Variants in PRKAG2 observed in about 807,000 individuals in gnomAD.
The protein encoded by PRKAG2 is 5'-AMP-activated protein kinase subunit gamma-2.
Under a neutral mutation model 69.6 loss-of-function variants are expected in PRKAG2, and 26 were observed. That is an observed-to-expected ratio of 0.37 (90% confidence interval 0.27 to 0.52). The LOEUF (loss-of-function observed/expected upper bound fraction) is 0.52. Ranked by LOEUF, PRKAG2 falls within the 20% of genes least tolerant of loss-of-function variation. The probability of loss-of-function intolerance (pLI) is 0.90; values close to 1 mark genes in which losing one functional copy is unlikely to be tolerated. For synonymous variants in PRKAG2, 293 were observed against 285.0 expected (o/e 1.03, Z -0.28); for missense variants, 557 against 740.0 (o/e 0.75, Z 2.87).
At chr7:151,832,959 G>A (rs1025943025) in intron 1 of PRKAG2, among the ~76,000 whole-genome samples, 1 of 152,156 alleles carries the variant, frequency 6.6e-6, no homozygotes, top group Non-Finnish European at 1.5e-5. Context: ...GAAAAGTGGG[G>A]GACATCTTGG....
intron 3 of PRKAG2, among the ~76,000 whole-genome samples, chr7:151,747,590 A>C (rs75614938): frequency 4.6e-5 from 7 of 152,120 alleles, no homozygotes; most frequent in African/African-American, 1.7e-4. Context: ...AAACAAAAAA[A>C]CTGTAAAGTA....
At chr7:151,786,054 C>A (rs921177015) in intron 2 of PRKAG2, among the ~76,000 whole-genome samples, 8 of 152,218 alleles carry the variant, frequency 5.3e-5, no homozygotes, top group Admixed American at 6.5e-5. Context: ...GAGAGCCCAG[C>A]GCTGGGGGTG....
At chr7:151,826,679 G>C (rs2374308) in intron 1 of PRKAG2, among the ~76,000 whole-genome samples, 5,334 of 152,242 alleles carry the variant, frequency 0.035, 330 homozygotes, top group African/African-American at 0.12. Flanking sequence ...ATGTTCTAAA[G>C]GGACATTAAA....
intron 4 of PRKAG2, among the ~76,000 whole-genome samples, chr7:151,639,679 GC>G (rs1463981296): frequency 6.6e-6 from 1 of 152,230 alleles, no homozygotes; most frequent in Non-Finnish European, 1.5e-5. Flanking sequence ...AACAGCAGCA[GC>G]CCTCTGGTTT....
intron 6 of PRKAG2, among the ~76,000 whole-genome samples, chr7:151,576,903 G>A (rs935089291): frequency 6.6e-6 from 1 of 152,104 alleles, no homozygotes; most frequent in Middle Eastern, 3.2e-3. Flanking sequence ...ATTAACATTA[G>A]CAAAAATCTT....
Position 151,788,039 on chromosome 7 carries a change from G to A in PRKAG2, c.115-1498C>T, listed in dbSNP as rs1036000956. Among the ~76,000 whole-genome samples the A allele has an allele frequency of 6.6e-6, 1 of 152,182 alleles. No homozygotes were observed. Among genetic ancestry groups the A allele is most frequent in the South Asian group, 2.1e-4 (1 of 4,824 alleles). ...CACTTAATCTGTAGTGCTTTGCTAT[G>A]GCAGCCTAGCAAACCAATATAATAG... is the stretch of plus-strand genomic sequence containing the variant. On this transcript the variant is annotated intron_variant, in intron 1 of 15. Transcript: ENST00000287878. The surrounding 1 kb of genome is among the most constrained non-coding windows in gnomAD (Gnocchi z 4.6).
intron 3 of PRKAG2, among the ~76,000 whole-genome samples, chr7:151,688,929 C>T (rs1344017951): frequency 6.6e-6 from 1 of 152,146 alleles, no homozygotes; most frequent in African/African-American, 2.4e-5. Context: ...GGTGGCCGGC[C>T]TCCCTGTTCC....
intron 5 of PRKAG2, among the ~76,000 whole-genome samples, chr7:151,596,682 G>C (rs1449259214): frequency 1.3e-5 from 2 of 152,152 alleles, no homozygotes; most frequent in African/African-American, 2.4e-5. Flanking sequence ...CTGGGAGGCG[G>C]AGGTTGTAGT....
intron 5 of PRKAG2, among the ~76,000 whole-genome samples, chr7:151,630,170 CCT>C (rs751392678): frequency 4.6e-5 from 7 of 152,026 alleles, no homozygotes; most frequent in Admixed American, 1.3e-4. Context: ...AGGGGAAATT[CCT>C]CTCTTAGACA....
At chr7:151,875,854 T>G (rs2080384837) in intron 1 of PRKAG2, among the ~76,000 whole-genome samples, 1 of 151,996 alleles carries the variant, frequency 6.6e-6, no homozygotes, top group African/African-American at 2.4e-5. Context: ...TGAAGTTCAA[T>G]GCAGCCTGCA....
At chr7:151,703,063 G>A (rs147846811) in intron 3 of PRKAG2, among the ~76,000 whole-genome samples, 417 of 152,270 alleles carry the variant, frequency 2.7e-3, no homozygotes, top group African/African-American at 9.7e-3. Context: ...GCCTGCCCAG[G>A]GAGAAAAGGG....
rs2076444869 is a variant in PRKAG2, at chr7:151,777,630, T to A, written c.466+3522A>T. On this transcript the variant is annotated intron_variant, in intron 3 of 15. Transcript: ENST00000287878. The surrounding 1 kb of genome is among the most constrained non-coding windows in gnomAD (Gnocchi z 4.3). The stretch of plus-strand genomic sequence containing the variant: ...GCCCTTGCAAACACCTTGGCAGAGA[T>A]CACGACAGCAGGAGAAGGTCCAGCC... Among the ~76,000 whole-genome samples, 1 of 152,124 alleles carries A rather than the reference T, an allele frequency of 6.6e-6. No homozygotes were observed.
At chr7:151,617,147 G>A (rs2151250579) in intron 5 of PRKAG2, among the ~76,000 whole-genome samples, 1 of 151,818 alleles carries the variant, frequency 6.6e-6, no homozygotes, top group Admixed American at 6.6e-5. Flanking sequence ...TGTAATCCAA[G>A]CTATTTGGGG....
chr7:151,597,582 GA>G (rs1286267706), intron 5 of PRKAG2, among the ~76,000 whole-genome samples: 6 of 151,854 alleles, frequency 4.0e-5, no homozygotes, highest in Non-Finnish European at 8.8e-5. Context: ...TCAACAGCAG[GA>G]AAAAAACCCC....
chr7:151,834,375 G>T (rs151259234), intron 1 of PRKAG2, among the ~76,000 whole-genome samples: 2 of 152,214 alleles, frequency 1.3e-5, no homozygotes, highest in African/African-American at 4.8e-5. Flanking sequence ...CCACAAAGTC[G>T]CCAGGCACAC....
intron 5 of PRKAG2, among the ~76,000 whole-genome samples, chr7:151,604,286 T>A (rs1217492441): frequency 6.6e-6 from 1 of 152,176 alleles, no homozygotes; most frequent in Non-Finnish European, 1.5e-5. Flanking sequence ...TGTTTCCCCA[T>A]CATCAACATC....
chr7:151,600,076 C>T (rs1220337710), intron 5 of PRKAG2, among the ~76,000 whole-genome samples: 2 of 152,110 alleles, frequency 1.3e-5, no homozygotes, highest in Non-Finnish European at 2.9e-5. Context: ...AGTCATGGAA[C>T]CTGAATTTGA....
At chr7:151,796,295 C>A (rs961274440) in intron 1 of PRKAG2, among the ~76,000 whole-genome samples, 1 of 152,158 alleles carries the variant, frequency 6.6e-6, no homozygotes, top group Non-Finnish European at 1.5e-5. Context: ...CTATGGAACC[C>A]TCACTTTGCC....
intron 3 of PRKAG2, among the ~76,000 whole-genome samples, chr7:151,684,042 C>G (rs1834297212): frequency 6.6e-6 from 1 of 152,216 alleles, no homozygotes; most frequent in Non-Finnish European, 1.5e-5. Context: ...CATTCCAGAG[C>G]CCTACCCTCC....
Sources: gnomAD v4.1 joint callset for allele counts (sites outside exome capture counted in the v4.1 genomes callset) on GRCh38, gnomAD v4.1.1 for gene constraint, Gnocchi (gnomAD v3.1) non-coding constraint, MANE v1.5 for transcripts, NCBI Gene and HGNC (gene_info 2026-07-23, HGNC 2026-07-21) for gene names.